The following ENTPD3 variants were observed in gnomAD, a reference collection of about 807,000 sequenced individuals.
ENTPD3 encodes the protein CD39 antigen-like 3.
A neutral mutation model predicts 51.2 loss-of-function variants in ENTPD3; 60 were observed. That is an observed-to-expected ratio of 1.17 (90% CI 0.95 to 1.45). ENTPD3 has a LOEUF of 1.45. Among genes scored for constraint, ENTPD3 ranks in the 40% most tolerant of loss-of-function variants. The pLI is 0.00. For synonymous variants in ENTPD3, 221 were observed against 238.4 expected, an observed-to-expected ratio of 0.93 and a Z score of 0.67; for missense variants, 593 against 641.1, an observed-to-expected ratio of 0.93 and a Z score of 0.81.
At chr3:40,420,996 C>CA (rs1330388630) in intron 7 of ENTPD3, among the ~76,000 whole-genome samples, 3 of 149,532 alleles carry the variant, frequency 2.0e-5, no homozygotes, top group Admixed American at 1.3e-4. Context: ...CTCTACAAAA[C>CA]AAAAAATAAT....
chr3:40,407,708 T>C (rs975987487), intron 4 of ENTPD3, among the ~76,000 whole-genome samples: 13 of 151,332 alleles, frequency 8.6e-5, no homozygotes, highest in Admixed American at 4.0e-4. Flanking sequence ...TACTGAGAGG[T>C]TGGGGAGAGG....
intron 10 of ENTPD3, among the ~76,000 whole-genome samples, chr3:40,426,264 A>G (rs1955983047): frequency 6.6e-6 from 1 of 151,698 alleles, no homozygotes; most frequent in African/African-American, 2.4e-5. Flanking sequence ...ACCCACCATC[A>G]TGCCTGGCTA....
In ENTPD3 at chr3:40,423,120, G is replaced by T; in HGVS notation, c.1102G>T (p.Val368Leu). The T allele has an allele frequency of 6.2e-7, 1 of 1,609,832 alleles. No homozygotes were observed. Among genetic ancestry groups the T allele is most frequent in the Non-Finnish European group, 8.5e-7 (1 of 1,177,284 alleles). ...TCAGCCAAAGATTAAAGGGCCATTTGTGGTAAGAGCAAAACCTTCTGAAAG... is the reference window on the plus strand; with the variant it reads ...TCAGCCAAAGATTAAAGGGCCATTTTTGGTAAGAGCAAAACCTTCTGAAAG... ...VYQPKIKGPF[V>L]AFAGFYYTAS... Residue 368 changes from valine to leucine, a missense_variant and splice_region_variant, in exon 8 of 11, where the codon GTG becomes TTG. By Grantham distance (32) the Val-to-Leu change is conservative (BLOSUM62 1). Transcript: ENST00000301825.
At position 40,388,585 on chromosome 3, in the gene ENTPD3, G is replaced by C. The variant is rs3774805; in HGVS notation, c.40+488G>C. The stretch of plus-strand genomic sequence containing the variant: ...TCACACTGGAAGGCACACACACACA[G>C]ACACACACACACACACACACACACA... On this transcript the variant is annotated intron_variant, in intron 2 of 10. Transcript: ENST00000301825. Among the ~76,000 whole-genome samples, 312 of 126,224 alleles carry C rather than the reference G, an allele frequency of 2.5e-3. 4 individuals carry two copies. Among genetic ancestry groups the C allele is most frequent in the East Asian group, 4.2e-3 (14 of 3,372 alleles). 82.8% of individuals were successfully genotyped at this position (126,224 alleles called of 152,430 possible).
Position 40,414,781 on chromosome 3 carries a change from CA to C in ENTPD3, c.540del (p.Glu181LysfsTer13), listed in dbSNP as rs1240241299. 1.2e-6 allele frequency: 2 copies of C among 1,613,902 alleles called. No homozygotes were observed. The highest frequency in any genetic ancestry group is 1.7e-5 in the Admixed American group (1 of 60,010). On this transcript the variant is annotated frameshift_variant, in exon 6 of 11. Transcript: ENST00000301825. LOFTEE classifies it high-confidence loss of function. ...TAGGGGTGCTCAAATCATTTCTGGGCAAGAAGAAGGGGTATATGGATGGATT... is the reference window on the plus strand; with the variant it reads ...TAGGGGTGCTCAAATCATTTCTGGGCAGAAGAAGGGGTATATGGATGGATT... ...DFRGAQIISG[Q>X]EEGVYGWITA...
chr3:40,398,213 G>T (rs1159014540), intron 3 of ENTPD3, among the ~76,000 whole-genome samples: 1 of 152,150 alleles, frequency 6.6e-6, no homozygotes, highest in East Asian at 1.9e-4. Flanking sequence ...TTACAAATGA[G>T]AATGGATACT....
chr3:40,423,692 T>A (rs1955928418), intron 9 of ENTPD3, 134 bp from the exon 10 acceptor site: 2 of 1,001,392 alleles, frequency 2.0e-6, no homozygotes, highest in African/African-American at 3.3e-5. Context: ...TGTGATTATA[T>A]GATTGTATTA....
intron 3 of ENTPD3, 193 bp downstream of exon 3, chr3:40,392,343 T>C (rs72861685): frequency 0.019 from 11,959 of 622,988 alleles, 661 homozygotes; most frequent in African/African-American, 0.15. Flanking sequence ...AGGCTACAAA[T>C]TGAGGGTAGT....
chr3:40,425,897 CAAA>C (rs201292183), intron 10 of ENTPD3, among the ~76,000 whole-genome samples: 6 of 121,854 alleles, frequency 4.9e-5, no homozygotes, highest in Non-Finnish European at 5.0e-5. Flanking sequence ...GACTCTGTCT[CAAA>C]AAAAAAAAAA....
chr3:40,416,011 C>G lies in ENTPD3; in HGVS notation c.769C>G (p.His257Asp), dbSNP rs1053861908. 3.1e-6 allele frequency: 5 copies of G among 1,613,986 alleles called. No individual in the cohort carries two copies. The highest frequency in any genetic ancestry group is 4.2e-6 in the Non-Finnish European group (5 of 1,180,000). The change falls in exon 7 of 11, where the codon CAC (histidine) becomes GAC (aspartate). Residue 257 changes from histidine (H) to aspartate (D), a missense_variant. Coordinates refer to ENST00000301825, the MANE Select transcript of ENTPD3 (RefSeq NM_001248.4). Reference sequence around the variant, plus strand: ...TGGCTACGTATACACGCTCTACACACACAGCTTCCAGTGCTATGGCCGGAA... The same window carrying G: ...TGGCTACGTATACACGCTCTACACAGACAGCTTCCAGTGCTATGGCCGGAA... ...LYGYVYTLYTHSFQCYGRNEA... is the reference protein window; with the variant it reads ...LYGYVYTLYTDSFQCYGRNEA...
At chr3:40,388,162 C>A in intron 2 of ENTPD3, 65 bp downstream of exon 2, 2 of 1,481,250 alleles carry the variant, frequency 1.4e-6, no homozygotes, top group Non-Finnish European at 9.4e-7. Flanking sequence ...CCAGCTTCGG[C>A]CTACAGTTTT....
At chr3:40,403,232 T>G (rs1001308274) in intron 4 of ENTPD3, among the ~76,000 whole-genome samples, 1 of 152,128 alleles carries the variant, frequency 6.6e-6, no homozygotes, top group Non-Finnish European at 1.5e-5. Context: ...AGCCAGGAGC[T>G]TGCCTACCCT....
At chr3:40,413,232 C>T (rs1022731158) in intron 5 of ENTPD3, among the ~76,000 whole-genome samples, 4 of 152,186 alleles carry the variant, frequency 2.6e-5, no homozygotes, top group African/African-American at 9.7e-5. Context: ...AATCCTTCTG[C>T]TTTCAGTCTA....
chr3:40,424,249 T>C lies in ENTPD3; in HGVS notation c.1353+286T>C. On this transcript the variant is annotated intron_variant, in intron 10 of 10. Coordinates refer to ENST00000301825, the MANE Select transcript of ENTPD3 (RefSeq NM_001248.4). ...TGGTATCTTCATATTCCCAGCACTCTGCACAAGGAATAGAGCCTAGAAGGT... is the reference window on the plus strand; with the variant it reads ...TGGTATCTTCATATTCCCAGCACTCCGCACAAGGAATAGAGCCTAGAAGGT... 5 of 765,246 alleles carry C rather than the reference T, an allele frequency of 6.5e-6. No homozygotes were observed. In the South Asian group the frequency reaches 2.4e-4, roughly 36 times the overall value. 47.4% of individuals were successfully genotyped at this position (765,246 alleles called of 1,614,324 possible).
intron 5 of ENTPD3, among the ~76,000 whole-genome samples, chr3:40,413,705 A>C (rs1955684713): frequency 1.3e-5 from 2 of 152,220 alleles, no homozygotes; most frequent in African/African-American, 4.8e-5. Context: ...TTAGGAAAAA[A>C]TGAATGTCTC....
intron 4 of ENTPD3, among the ~76,000 whole-genome samples, chr3:40,405,504 CAAA>C (rs11415995): frequency 2.0e-5 from 3 of 147,142 alleles, no homozygotes; most frequent in Non-Finnish European, 3.0e-5. Flanking sequence ...GACTTCATTT[CAAA>C]AAAAAAAAAT....
chr3:40,415,492 ACCT>A (rs988757088), intron 6 of ENTPD3, among the ~76,000 whole-genome samples: 30 of 152,060 alleles, frequency 2.0e-4, no homozygotes, highest in African/African-American at 7.0e-4. Context: ...GCTTCTTCTG[ACCT>A]CCTCACTCCT....
At chr3:40,401,570 C>A (rs1955357360) in intron 4 of ENTPD3, among the ~76,000 whole-genome samples, 1 of 152,196 alleles carries the variant, frequency 6.6e-6, no homozygotes, top group Non-Finnish European at 1.5e-5. Flanking sequence ...AGCTGTCTTC[C>A]AGCAGTGATA....
At chr3:40,414,657 T>C (rs1444909961) in intron 5 of ENTPD3, 24 bp from the exon 6 acceptor site, 1 of 1,612,664 alleles carries the variant, frequency 6.2e-7, no homozygotes, top group Admixed American at 1.7e-5. Context: ...GCACTCAGAC[T>C]TGTTTGTTCT....
Sources: allele counts gnomAD v4.1 joint callset (sites outside exome capture counted in the v4.1 genomes callset), GRCh38; gene constraint gnomAD v4.1.1; transcripts MANE v1.5; gene names NCBI Gene and HGNC (gene_info 2026-07-23, HGNC 2026-07-21).